Variants in CAMTA1 observed in about 807,000 individuals in gnomAD.
The protein encoded by CAMTA1 is calmodulin binding transcription activator 1.
CAMTA1 carries 27 observed loss-of-function variants against 170.9 expected under a neutral mutation model. The observed-to-expected ratio is 0.16, with a 90% CI of 0.12 to 0.22. The LOEUF is 0.22. Among genes scored for constraint, CAMTA1 ranks in the 10% least tolerant of loss-of-function variants. CAMTA1 has a pLI of 1.00. For synonymous variants in CAMTA1, 833 were observed against 891.5 expected (o/e 0.93, Z 1.17); for missense variants, 1,619 against 2,217.2 (o/e 0.73, Z 5.42).
In CAMTA1 at chr1:6,918,392, C is replaced by G. The variant is rs560235431; in HGVS notation, c.234+93182C>G. The stretch of plus-strand genomic sequence containing the variant: ...AATCTATGCAAAGGCCCCTCAGCTG[C>G]CCTGCATCCATCATCCCAAGTGACA... On this transcript the variant is annotated intron_variant, in intron 3 of 22. Coordinates refer to ENST00000303635, the MANE Select transcript of CAMTA1 (RefSeq NM_015215.4). This position sits in a 1 kb window ranked among gnomAD's most constrained non-coding sequence, Gnocchi z 4.0. Among the ~76,000 whole-genome samples the G allele has an allele frequency of 6.6e-6, 1 of 152,298 alleles. No homozygotes were observed. Among genetic ancestry groups the G allele is most frequent in the Non-Finnish European group, 1.5e-5 (1 of 68,026 alleles).
intron 4 of CAMTA1, among the ~76,000 whole-genome samples, chr1:7,151,403 C>T (rs572540515): frequency 3.2e-4 from 48 of 152,310 alleles, no homozygotes; most frequent in Admixed American, 2.1e-3. Flanking sequence ...GATTGCCCAG[C>T]GAGGCTGCCT....
intron 5 of CAMTA1, among the ~76,000 whole-genome samples, chr1:7,419,082 G>T (rs2091391191): frequency 6.6e-6 from 1 of 152,220 alleles, no homozygotes; most frequent in Non-Finnish European, 1.5e-5. Flanking sequence ...TGTTGTCTGT[G>T]TAGACAGGTG....
At chr1:7,719,790 C>G (rs1447577935) in intron 11 of CAMTA1, among the ~76,000 whole-genome samples, 1 of 152,186 alleles carries the variant, frequency 6.6e-6, no homozygotes, top group Non-Finnish European at 1.5e-5. Context: ...CCCTGTCCTT[C>G]TGAGCTTCCT....
At chr1:7,390,486 A>G (rs2088576278) in intron 5 of CAMTA1, among the ~76,000 whole-genome samples, 1 of 152,204 alleles carries the variant, frequency 6.6e-6, no homozygotes, top group South Asian at 2.1e-4. Flanking sequence ...TGCACGGCCC[A>G]GGATTGGCCC....
intron 6 of CAMTA1, among the ~76,000 whole-genome samples, chr1:7,627,511 T>G (rs2095641453): frequency 6.6e-6 from 1 of 152,202 alleles, no homozygotes; most frequent in African/African-American, 2.4e-5. Flanking sequence ...TGTATCTTGT[T>G]TAGTCTTCAC....
chr1:7,509,239 A>G (rs2094166003), intron 6 of CAMTA1, among the ~76,000 whole-genome samples: 1 of 152,222 alleles, frequency 6.6e-6, no homozygotes, highest in Admixed American at 6.5e-5. Context: ...TGCATCTGTT[A>G]CATCAAACCA....
At chr1:7,132,667 A>G (rs1422410891) in intron 4 of CAMTA1, among the ~76,000 whole-genome samples, 1 of 152,200 alleles carries the variant, frequency 6.6e-6, no homozygotes, top group East Asian at 1.9e-4. Context: ...GCAAAAAAAT[A>G]GATTCTGCAT....
intron 4 of CAMTA1, among the ~76,000 whole-genome samples, chr1:7,162,182 C>A (rs1282599946): frequency 1.3e-5 from 2 of 152,032 alleles, no homozygotes; most frequent in Non-Finnish European, 2.9e-5. Flanking sequence ...CTGTCAGGTC[C>A]CAACAGTTGG....
At chr1:7,501,922 C>G (rs528897463) in intron 6 of CAMTA1, among the ~76,000 whole-genome samples, 44 of 152,316 alleles carry the variant, frequency 2.9e-4, no homozygotes, top group African/African-American at 1.1e-3. Context: ...CCTGAGGCCT[C>G]CAGCTGAGGG....
chr1:7,343,352 C>T (rs1241904354), intron 5 of CAMTA1, among the ~76,000 whole-genome samples: 1 of 152,138 alleles, frequency 6.6e-6, no homozygotes, highest in Admixed American at 6.5e-5. Flanking sequence ...CACTCTCCAT[C>T]ATTCAATTCG....
chr1:7,019,713 C>T (rs959839125), intron 3 of CAMTA1, among the ~76,000 whole-genome samples: 1 of 152,226 alleles, frequency 6.6e-6, no homozygotes, highest in African/African-American at 2.4e-5. Flanking sequence ...AGATGGAAAA[C>T]AAGAACACAG....
At chr1:6,801,954 T>A (rs1175095114) in intron 1 of CAMTA1, among the ~76,000 whole-genome samples, 1 of 152,186 alleles carries the variant, frequency 6.6e-6, no homozygotes, top group Non-Finnish European at 1.5e-5. Context: ...CTGAGGTTCT[T>A]AATAAACACT....
intron 4 of CAMTA1, among the ~76,000 whole-genome samples, chr1:7,202,998 T>C (rs1431031563): frequency 6.6e-6 from 1 of 152,182 alleles, no homozygotes; most frequent in Non-Finnish European, 1.5e-5. Context: ...AGTATATTGT[T>C]AGCTGTGGGA....
intron 6 of CAMTA1, among the ~76,000 whole-genome samples, chr1:7,498,457 A>C (rs2093880757): frequency 6.7e-6 from 1 of 149,192 alleles, no homozygotes; most frequent in South Asian, 2.1e-4. Context: ...GTGAATGTGC[A>C]TGACAGTGTG....
At chr1:7,686,834 G>A (rs1341859719) in intron 11 of CAMTA1, among the ~76,000 whole-genome samples, 3 of 152,098 alleles carry the variant, frequency 2.0e-5, no homozygotes, top group African/African-American at 7.2e-5. Flanking sequence ...GGGCTCTGCT[G>A]ATGATTTGAA....
intron 4 of CAMTA1, among the ~76,000 whole-genome samples, chr1:7,155,250 G>C (rs760991456): frequency 6.6e-6 from 1 of 152,038 alleles, no homozygotes; most frequent in Non-Finnish European, 1.5e-5. Flanking sequence ...AGGGCAGAAT[G>C]AGCCTTTCCC....
chr1:6,785,462 G>C lies in CAMTA1; in HGVS notation c.-69G>C, dbSNP rs1260847391. On this transcript the variant is annotated 5_prime_UTR_variant, in exon 1 of 23. Transcript: ENST00000303635. ...CAGGGCGGGTGCGCGGCGGCGGCGG[G>C]GTGGCTGGGCCGGCGGCGGCGGCGG... 3.2e-5 allele frequency: 32 copies of C among 989,748 alleles called. No individual in the cohort carries two copies. Among genetic ancestry groups the C allele is most frequent in the Admixed American group, 6.2e-5 (1 of 16,214 alleles). The allele number at this position is 989,748 out of a possible 1,614,324, so 61.3% of individuals were successfully genotyped here.
rs1352566411 is a variant in CAMTA1, at chr1:7,623,008, GCTT to G, written c.511-17388_511-17386del. Among the ~76,000 whole-genome samples the G allele has an allele frequency of 1.2e-4, 18 of 152,308 alleles. 1 individual carries two copies. The South Asian group carries it at 2.7e-3, about 23-fold the overall frequency. ...CCTCTCCCAGAGCTCCCCACAGCTGGCTTCTTTTTATCATCTCAGATACAGCTG... is the reference window on the plus strand; with the variant it reads ...CCTCTCCCAGAGCTCCCCACAGCTGGCTTTTTATCATCTCAGATACAGCTG... On this transcript the variant is annotated intron_variant, in intron 6 of 22. Coordinates refer to ENST00000303635, the MANE Select transcript of CAMTA1 (RefSeq NM_015215.4).
chr1:7,661,703 C>T (rs1360007677), intron 7 of CAMTA1, 23 bp from the exon 8 acceptor site: 14 of 1,612,980 alleles, frequency 8.7e-6, no homozygotes, highest in African/African-American at 2.7e-5. Flanking sequence ...GCTCTGACAG[C>T]CCCCCTGCCT....
Sources: allele counts gnomAD v4.1 joint callset (sites outside exome capture counted in the v4.1 genomes callset), GRCh38; gene constraint gnomAD v4.1.1; non-coding constraint Gnocchi (gnomAD v3.1); transcripts MANE v1.5; gene names NCBI Gene and HGNC (gene_info 2026-07-23, HGNC 2026-07-21).